Variants in NOTCH2NLB observed in about 807,000 individuals in gnomAD.
The protein encoded by NOTCH2NLB is notch 2 N-terminal like B, also known as notch homolog 2 N-terminal-like protein B.
A neutral mutation model predicts 14.8 loss-of-function variants in NOTCH2NLB; 1 was observed. That is an observed-to-expected ratio of 0.07 (90% CI 0.02 to 0.32). The LOEUF (loss-of-function observed/expected upper bound fraction) is 0.32. NOTCH2NLB is among the 10% of genes least tolerant of loss of function. The pLI is 1.00. For synonymous variants in NOTCH2NLB, 6 were observed against 57.5 expected (o/e 0.10, Z 4.05); for missense variants, 11 against 155.0 (o/e 0.07, Z 4.93).
chr1:148,694,460 TTTG>T, the NOTCH2NLB span, among the ~76,000 whole-genome samples: 270 of 85,436 alleles, frequency 3.2e-3, 3 homozygotes, highest in African/African-American at 6.3e-3. Context: ...TGTTGTGGGT[TTTG>T]TTGTTGTTGT....
chr1:148,651,162 A>AAAATATATATATATATATATATATAT, intron 1 of NOTCH2NLB, among the ~76,000 whole-genome samples: 1 of 46,028 alleles, frequency 2.2e-5, no homozygotes, highest in Non-Finnish European at 4.2e-5. Context: ...AAAAAAAAAA[A>AAAATATATATATATATATATATATAT]ATATATATAT....
At chr1:148,691,963 C>T in the NOTCH2NLB span, among the ~76,000 whole-genome samples, 4 of 56,492 alleles carry the variant, frequency 7.1e-5, no homozygotes, top group African/African-American at 3.6e-4. Context: ...CACTCTGCTT[C>T]ACCTACAGCC....
intron 1 of NOTCH2NLB, among the ~76,000 whole-genome samples, chr1:148,649,785 G>T (rs1664455557): frequency 9.0e-6 from 1 of 110,504 alleles, no homozygotes. Context: ...ACCGCGCCCG[G>T]CCTTAAAGCT....
At chr1:148,621,845 A>G (rs1177358211) in intron 2 of NOTCH2NLB, among the ~76,000 whole-genome samples, 1 of 115,194 alleles carries the variant, frequency 8.7e-6, no homozygotes, top group Non-Finnish European at 1.7e-5. Flanking sequence ...TCACCTTTTT[A>G]GTGGTGCTTC....
rs1664734491 is a variant in NOTCH2NLB, at chr1:148,670,422, T to C, written c.3+9040A>G. 1.4e-5 allele frequency among the ~76,000 whole-genome samples: 2 copies of C among 145,672 alleles called. 1 individual carries two copies. Among genetic ancestry groups the C allele is most frequent in the Non-Finnish European group, 3.1e-5 (2 of 65,058 alleles). ...AATGAGGCATATTAAGATTAAGTAA[T>C]ATTTACCACTTATCAAATGGTAAAG... On this transcript the variant is annotated intron_variant, in intron 1 of 4. Transcript: ENST00000593495.
rs1401016825 is a variant in NOTCH2NLB at position 148,610,145 on chromosome 1, G to A, written c.338-2400C>T. 8.8e-5 allele frequency among the ~76,000 whole-genome samples: 12 copies of A among 136,910 alleles called. 1 individual carries two copies. The highest frequency in any genetic ancestry group is 7.0e-4 in the South Asian group (3 of 4,262). The allele number at this position is 136,910 out of a possible 152,430, so 89.8% of individuals were successfully genotyped here. A position where few individuals can be genotyped will look rare whatever the true frequency, so the allele number is the denominator to read the frequency against. The stretch of plus-strand genomic sequence containing the variant: ...TTTTCTAAAAATACAAAAATTAGCC[G>A]GGCTTCATAGCGCATGCCTGTAATC... On this transcript the variant is annotated intron_variant, in intron 3 of 4. Transcript: ENST00000593495.
intron 3 of NOTCH2NLB, among the ~76,000 whole-genome samples, chr1:148,609,137 GCAC>G (rs1663604769): frequency 2.8e-5 from 4 of 140,708 alleles, no homozygotes; most frequent in Non-Finnish European, 6.2e-5. Flanking sequence ...GGGTACATGT[GCAC>G]AACATGCAGG....
In NOTCH2NLB at chr1:148,645,768, C is replaced by G. The variant is rs1333857310; in HGVS notation, c.4-5679G>C. 3.3e-5 allele frequency among the ~76,000 whole-genome samples: 5 copies of G among 150,936 alleles called. No homozygotes were observed. The East Asian group carries it at 5.8e-4, about 17-fold the overall frequency. On this transcript the variant is annotated intron_variant, in intron 1 of 4. Coordinates refer to ENST00000593495, the Ensembl canonical transcript of NOTCH2NLB. Reference sequence around the variant, plus strand: ...TCTGGTCCTCACAGGGCCACCCCCCCACCCATCCTTGTAACACTCATGACT... The same window carrying G: ...TCTGGTCCTCACAGGGCCACCCCCCGACCCATCCTTGTAACACTCATGACT...
At position 148,661,607 on chromosome 1, in the gene NOTCH2NLB, G is replaced by A. The variant is rs1414027732; in HGVS notation, c.3+17855C>T. Among the ~76,000 whole-genome samples the A allele has an allele frequency of 2.0e-5, 3 of 150,082 alleles. No homozygotes were observed. In the East Asian group the frequency reaches 5.8e-4, roughly 29 times the overall value. On this transcript the variant is annotated intron_variant, in intron 1 of 4. Transcript: ENST00000593495. ...AGCCCTTCTATCAAAGCTCTTCTCA[G>A]GATGGTGGAGAATGGTGAATCTCAG...
At chr1:148,608,488 T>A (rs1360447083) in intron 3 of NOTCH2NLB, among the ~76,000 whole-genome samples, 1 of 152,236 alleles carries the variant, frequency 6.6e-6, no homozygotes, top group African/African-American at 2.4e-5. Flanking sequence ...TCATCCTTAG[T>A]GCCCCTCACA....
In NOTCH2NLB at chr1:148,633,253, A is replaced by T. The variant is rs1213119510; in HGVS notation, c.77+6763T>A. On this transcript the variant is annotated intron_variant, in intron 2 of 4. Coordinates refer to ENST00000593495, the Ensembl canonical transcript of NOTCH2NLB. Reference sequence around the variant, plus strand: ...ACTCAAACTTAAGTCTATCTGGCATAAAAAAAACCTATGTCCTCAGCTGGG... The same window carrying T: ...ACTCAAACTTAAGTCTATCTGGCATTAAAAAAACCTATGTCCTCAGCTGGG... Among the ~76,000 whole-genome samples, 14 of 124,438 alleles carry T rather than the reference A, an allele frequency of 1.1e-4. 3 individuals are homozygous for T. The highest frequency in any genetic ancestry group is 1.8e-4 in the Non-Finnish European group (11 of 60,834). The allele number at this position is 124,438 out of a possible 152,430, so 81.6% of individuals were successfully genotyped here.
At chr1:148,693,217 G>A in the NOTCH2NLB span, among the ~76,000 whole-genome samples, 2 of 152,218 alleles carry the variant, frequency 1.3e-5, no homozygotes, top group Non-Finnish European at 2.9e-5. Flanking sequence ...TGGCTGGGCT[G>A]TATCCTCCTC....
intron 2 of NOTCH2NLB, among the ~76,000 whole-genome samples, chr1:148,638,877 A>G (rs2149617573): frequency 6.9e-6 from 1 of 145,648 alleles, no homozygotes; most frequent in South Asian, 2.2e-4. Context: ...CCTCCACCAA[A>G]GCAAAGAAGA....
chr1:148,651,167 A>ATATC (rs1664503070), intron 1 of NOTCH2NLB, among the ~76,000 whole-genome samples: 1 of 38,262 alleles, frequency 2.6e-5, no homozygotes, highest in African/African-American at 1.1e-4. Context: ...AAAAAAATAT[A>ATATC]TATATATATA....
chr1:148,609,343 GT>G (rs1663611409), intron 3 of NOTCH2NLB, among the ~76,000 whole-genome samples: 1 of 106,948 alleles, frequency 9.4e-6, no homozygotes, highest in Admixed American at 9.2e-5. Context: ...AGAACATGCG[GT>G]GTTTGGTTTT....
the NOTCH2NLB span, among the ~76,000 whole-genome samples, chr1:148,705,802 CTCAT>C: frequency 7.8e-6 from 1 of 128,182 alleles, no homozygotes; most frequent in African/African-American, 2.8e-5. Flanking sequence ...TTCTAATAGA[CTCAT>C]TAACCCCAAA....
the NOTCH2NLB span, among the ~76,000 whole-genome samples, chr1:148,700,719 GT>G: frequency 3.7e-4 from 2 of 5,348 alleles, no homozygotes; most frequent in African/African-American, 1.4e-3. Context: ...TTTTAATGGG[GT>G]TTTTTTTTTC....
chr1:148,625,647 A>G (rs1344124091), intron 2 of NOTCH2NLB, among the ~76,000 whole-genome samples: 1 of 119,964 alleles, frequency 8.3e-6, no homozygotes, highest in Non-Finnish European at 1.7e-5. Flanking sequence ...TTCTTCTTGC[A>G]CTGGGCCTCT....
At chr1:148,651,415 ATTCT>A (rs1664511477) in intron 1 of NOTCH2NLB, among the ~76,000 whole-genome samples, 1 of 33,660 alleles carries the variant, frequency 3.0e-5, no homozygotes, top group African/African-American at 1.2e-4. Flanking sequence ...GATTACTCAT[ATTCT>A]TTCTTTATTG....
Sources: allele counts gnomAD v4.1 joint callset (sites outside exome capture counted in the v4.1 genomes callset), GRCh38; gene constraint gnomAD v4.1.1; transcripts MANE v1.5; gene names NCBI Gene and HGNC (gene_info 2026-07-23, HGNC 2026-07-21).